Variants in CTNNA3 observed in about 807,000 individuals in gnomAD.
CTNNA3 encodes the protein catenin alpha 3.
CTNNA3 carries 76 observed loss-of-function variants against 95.7 expected under a neutral mutation model. The observed-to-expected ratio is 0.79, with a 90% confidence interval of 0.66 to 0.96. The LOEUF is 0.96. Among genes scored for constraint, CTNNA3 ranks in the 40% least tolerant of loss-of-function variants. CTNNA3 has a pLI of 0.00. For missense variants in CTNNA3, 1,191 were observed against 1,089.8 expected, an observed-to-expected ratio of 1.09 and a Z score of -1.31; for synonymous variants, 431 against 374.4, an observed-to-expected ratio of 1.15 and a Z score of -1.74.
chr10:66,630,000 TTTATAA>T (rs1278942433), intron 9 of CTNNA3, among the ~76,000 whole-genome samples: 4 of 152,114 alleles, frequency 2.6e-5, no homozygotes, highest in Non-Finnish European at 2.9e-5. Context: ...TGATTCTCAG[TTTATAA>T]TTATATGTTC....
At chr10:67,196,447 T>C (rs1863373835) in intron 6 of CTNNA3, among the ~76,000 whole-genome samples, 1 of 152,008 alleles carries the variant, frequency 6.6e-6, no homozygotes, top group South Asian at 2.1e-4. Context: ...TTAGAGATAC[T>C]CAATATACTT....
chr10:67,302,073 AAGAAAGAAAGAAAGAAAGAAAG>A (rs1296207654), intron 5 of CTNNA3, among the ~76,000 whole-genome samples: 13 of 125,660 alleles, frequency 1.0e-4, no homozygotes, highest in Admixed American at 4.9e-4. Context: ...GAAAGAAAGA[AAGAAAGAAAGAAAGAAAGAAAG>A]AAAATCCTTT....
chr10:66,495,026 T>A (rs749231479), intron 11 of CTNNA3, among the ~76,000 whole-genome samples: 13 of 152,148 alleles, frequency 8.5e-5, no homozygotes, highest in Non-Finnish European at 4.4e-5. Flanking sequence ...GGGGAATGGG[T>A]GAATGGTACC....
At chr10:66,393,421 G>A (rs1478492263) in intron 11 of CTNNA3, among the ~76,000 whole-genome samples, 1 of 152,052 alleles carries the variant, frequency 6.6e-6, no homozygotes, top group Non-Finnish European at 1.5e-5. Context: ...AATAAAGGAT[G>A]TTCTTCAAAC....
intron 7 of CTNNA3, among the ~76,000 whole-genome samples, chr10:66,851,614 C>CCTCT (rs58166318): frequency 0.87 from 129,498 of 148,244 alleles, 57,017 homozygotes; most frequent in African/African-American, 0.97. Context: ...TCCCCACCCA[C>CCTCT]CTCTCTCTTT....
upstream of CTNNA3, among the ~76,000 whole-genome samples, chr10:67,698,811 T>A (rs1009542384): frequency 1.3e-5 from 2 of 151,940 alleles, no homozygotes; most frequent in African/African-American, 4.8e-5. Context: ...TCTAAATGAA[T>A]CTGCCCCTGA....
intron 5 of CTNNA3, among the ~76,000 whole-genome samples, chr10:67,409,376 A>G (rs1423479728): frequency 4.6e-5 from 7 of 152,220 alleles, no homozygotes; most frequent in Admixed American, 1.3e-4. Flanking sequence ...AAAATATAGT[A>G]CACATACACT....
At chr10:66,507,092 T>C (rs1253534981) in intron 11 of CTNNA3, among the ~76,000 whole-genome samples, 1 of 152,182 alleles carries the variant, frequency 6.6e-6, no homozygotes, top group African/African-American at 2.4e-5. Context: ...AATCAATTTA[T>C]TTTCCATTTT....
At chr10:67,431,366 T>C (rs1171772727) in intron 5 of CTNNA3, among the ~76,000 whole-genome samples, 1 of 152,014 alleles carries the variant, frequency 6.6e-6, no homozygotes, top group Non-Finnish European at 1.5e-5. Flanking sequence ...GCTCATGAAC[T>C]ACCTTTACTG....
rs369413325 is a variant in CTNNA3, at chr10:67,114,048, A to C, written c.1047+66269T>G. Among the ~76,000 whole-genome samples, 88 of 151,550 alleles carry C rather than the reference A, an allele frequency of 5.8e-4. 2 individuals are homozygous for C. In the South Asian group the frequency reaches 0.018, roughly 31 times the overall value. ...CAGTGAGCTATGATCACACCACCGC[A>C]CTTCAGTCTGGGTGACAGGGGGAGA... On this transcript the variant is annotated intron_variant, in intron 7 of 17. Transcript: ENST00000433211.
At chr10:67,444,512 C>T (rs1846662558) in intron 5 of CTNNA3, among the ~76,000 whole-genome samples, 1 of 151,516 alleles carries the variant, frequency 6.6e-6, no homozygotes, top group South Asian at 2.1e-4. Context: ...CAAACCAAAC[C>T]CAAAATTAGT....
intron 10 of CTNNA3, among the ~76,000 whole-genome samples, chr10:66,559,907 T>C (rs78059460): frequency 0.05 from 7,650 of 152,190 alleles, 248 homozygotes; most frequent in African/African-American, 0.075. Flanking sequence ...ATTTGGGAAG[T>C]GTCTGTCTCC....
intron 1 of CTNNA3, among the ~76,000 whole-genome samples, chr10:67,734,994 G>A (rs372570003): frequency 4.6e-5 from 7 of 152,038 alleles, no homozygotes; most frequent in Middle Eastern, 6.4e-3. Context: ...TTTCTTAAAA[G>A]GTATGCAGTA....
intron 7 of CTNNA3, among the ~76,000 whole-genome samples, chr10:66,989,639 T>C (rs1301243467): frequency 2.0e-5 from 3 of 152,140 alleles, no homozygotes; most frequent in African/African-American, 7.2e-5. Flanking sequence ...TTTTTCTATA[T>C]ATGAGTGAAT....
At chr10:66,053,741 A>G (rs1187377996) in intron 15 of CTNNA3, among the ~76,000 whole-genome samples, 1 of 151,946 alleles carries the variant, frequency 6.6e-6, no homozygotes, top group African/African-American at 2.4e-5. Context: ...TGTGGTATCT[A>G]ATATTTATCT....
At chr10:67,431,866 A>C (rs1174580171) in intron 5 of CTNNA3, among the ~76,000 whole-genome samples, 6 of 151,968 alleles carry the variant, frequency 3.9e-5, no homozygotes, top group African/African-American at 1.4e-4. Context: ...TAATCCCATA[A>C]TTCAAAATGG....
chr10:65,976,086 C>T (rs182777262), intron 16 of CTNNA3, among the ~76,000 whole-genome samples: 3 of 152,178 alleles, frequency 2.0e-5, no homozygotes, highest in Admixed American at 6.5e-5. Flanking sequence ...AACTCACTTG[C>T]CAATAAATGG....
intron 6 of CTNNA3, among the ~76,000 whole-genome samples, chr10:67,189,322 G>A (rs1256685993): frequency 1.3e-5 from 2 of 152,000 alleles, no homozygotes; most frequent in African/African-American, 4.8e-5. Context: ...GGGCTAGGGG[G>A]CAGGGACAGG....
chr10:66,795,488 T>A (rs934518903), intron 7 of CTNNA3, among the ~76,000 whole-genome samples: 29 of 152,148 alleles, frequency 1.9e-4, no homozygotes, highest in African/African-American at 6.5e-4. Flanking sequence ...TGCTGTCATC[T>A]AGGCTTTGTT....
Sources: gnomAD v4.1 joint callset for allele counts (sites outside exome capture counted in the v4.1 genomes callset) on GRCh38, gnomAD v4.1.1 for gene constraint, MANE v1.5 for transcripts, NCBI Gene and HGNC (gene_info 2026-07-23, HGNC 2026-07-21) for gene names.